The following NASP variants were observed in gnomAD, a reference collection of about 807,000 sequenced individuals.
The protein encoded by NASP is nuclear autoantigenic sperm protein, also known as NASP histone chaperone.
In NASP, 24 loss-of-function variants were observed where a neutral mutation model predicts 89.5. That is an observed-to-expected ratio of 0.27 (90% CI 0.19 to 0.38). NASP has a LOEUF of 0.38. NASP is among the 10% of genes least tolerant of loss of function. The pLI, the probability that NASP is intolerant of heterozygous loss-of-function variation, is 1.00. For synonymous variants in NASP, 306 were observed against 324.7 expected (o/e 0.94, Z 0.62); for missense variants, 848 against 921.4 (o/e 0.92, Z 1.03).
intron 11 of NASP, chr1:45,615,817 A>G: frequency 4.5e-6 from 1 of 224,698 alleles, no homozygotes; most frequent in Non-Finnish European, 8.7e-6. Flanking sequence ...CATACTCAAC[A>G]GTTGGATACC....
intron 3 of NASP, among the ~76,000 whole-genome samples, chr1:45,604,673 C>T: frequency 6.6e-6 from 1 of 152,162 alleles, no homozygotes; most frequent in East Asian, 1.9e-4. Flanking sequence ...CCTATTAATA[C>T]CTTAGGGCTG....
intron 2 of NASP, among the ~76,000 whole-genome samples, chr1:45,598,284 C>T (rs751284840): frequency 8.6e-5 from 13 of 151,776 alleles, no homozygotes; most frequent in Non-Finnish European, 1.6e-4. Context: ...AATTCTCCTG[C>T]CTCAGCCTCC....
chr1:45,586,284 GGTGTGTGTGT>G (rs202167906), intron 1 of NASP, among the ~76,000 whole-genome samples: 1 of 100,474 alleles, frequency 1.0e-5, no homozygotes, highest in African/African-American at 4.5e-5. Flanking sequence ...GTGTGTGTGT[GGTGTGTGTGT>G]GTGTGTGTGT....
chr1:45,587,106 G>A (rs1486929144), intron 1 of NASP, among the ~76,000 whole-genome samples: 1 of 152,158 alleles, frequency 6.6e-6, no homozygotes, highest in Non-Finnish European at 1.5e-5. Flanking sequence ...TGCCATTAAA[G>A]CAGTATTGTT....
At chr1:45,590,631 T>G (rs1009839034) in intron 1 of NASP, among the ~76,000 whole-genome samples, 1 of 151,100 alleles carries the variant, frequency 6.6e-6, no homozygotes, top group Non-Finnish European at 1.5e-5. Context: ...TACTGGTTCC[T>G]TGCTTTTAAT....
At chr1:45,605,468 GT>G (rs1000976933) in intron 4 of NASP, among the ~76,000 whole-genome samples, 39 of 145,562 alleles carry the variant, frequency 2.7e-4, no homozygotes, top group East Asian at 4.0e-4. Flanking sequence ...TTCTGGTAAG[GT>G]TTTTTTTTTT....
rs1229610219 is a variant in NASP, at chr1:45,618,753, C to G, written c.*612C>G. 6.6e-6 allele frequency: 1 copy of G among 152,432 alleles called. No homozygotes were observed. The highest frequency in any genetic ancestry group is 1.5e-5 in the Non-Finnish European group (1 of 68,248). 9.4% of individuals were successfully genotyped at this position (152,432 alleles called of 1,614,324 possible). A position where few individuals can be genotyped will look rare whatever the true frequency, so the allele number is the denominator to read the frequency against. On this transcript the variant is annotated 3_prime_UTR_variant, in exon 15 of 15. Coordinates refer to ENST00000350030, the MANE Select transcript of NASP (RefSeq NM_002482.4). ...GCCAAGGGGACTGATGGTGGACACTCCAGATGTGGTTGGAAGCATATGTGG... is the reference window on the plus strand; with the variant it reads ...GCCAAGGGGACTGATGGTGGACACTGCAGATGTGGTTGGAAGCATATGTGG...
rs200142540 is a variant in NASP at position 45,615,342 on chromosome 1, G to A, written c.1893G>A (p.Ser631=). The A allele has an allele frequency of 1.3e-4, 204 of 1,614,140 alleles. 1 individual carries two copies. The South Asian group carries it at 1.4e-3, about 11-fold the overall frequency. Residue 631 remains serine, a synonymous_variant, in exon 11 of 15, where the codon TCG becomes TCA. Coordinates refer to ENST00000350030, the MANE Select transcript of NASP (RefSeq NM_002482.4). ...AGCAGGTGAAGGAGGCTGAAGGATC[G>A]TCTGCTGAATACAAGAAAGAAATTG... ...LNEQVKEAEG[S]SAEYKKEIEE...
At chr1:45,614,003 G>A (rs1349369392) in intron 7 of NASP, 93 bp from the exon 8 acceptor site, 16 of 986,652 alleles carry the variant, frequency 1.6e-5, no homozygotes, top group Middle Eastern at 6.5e-4. Flanking sequence ...ATTTTGAATC[G>A]TATATCAACT....
rs756252138 is a variant in NASP, at chr1:45,618,186, A to G, written c.*45A>G. ...CCCAAGGGAAAGTGTTTTTGTATAT[A>G]ATGTATTTTTTCACTTTTGGAGGAT... is the stretch of plus-strand genomic sequence containing the variant. On this transcript the variant is annotated 3_prime_UTR_variant, in exon 15 of 15. Transcript: ENST00000350030. The G allele has an allele frequency of 4.8e-6, 7 of 1,462,104 alleles. No individual in the cohort carries two copies. The highest frequency in any genetic ancestry group is 4.2e-5 in the African/African-American group (3 of 71,008). The allele number at this position is 1,462,104 out of a possible 1,614,324, so 90.6% of individuals were successfully genotyped here. A position where few individuals can be genotyped will look rare whatever the true frequency, so the allele number is the denominator to read the frequency against.
chr1:45,604,897 G>C (rs1301355795), intron 3 of NASP, 39 bp from the exon 4 acceptor site: 1 of 1,410,642 alleles, frequency 7.1e-7, no homozygotes, highest in Non-Finnish European at 1.0e-6. Context: ...TTTTAGATTA[G>C]ATGGTAATTC....
intron 2 of NASP, among the ~76,000 whole-genome samples, chr1:45,601,910 G>A (rs1193628824): frequency 6.6e-6 from 1 of 151,512 alleles, no homozygotes; most frequent in Non-Finnish European, 1.5e-5. Context: ...CCGCCACCAC[G>A]CCCGGCTAAT....
intron 2 of NASP, among the ~76,000 whole-genome samples, chr1:45,595,514 A>T (rs1643673815): frequency 6.6e-6 from 1 of 152,122 alleles, no homozygotes. Flanking sequence ...TCATGCTCTT[A>T]TTCAGCAGTT....
At chr1:45,586,425 G>A (rs922517836) in intron 1 of NASP, among the ~76,000 whole-genome samples, 21 of 151,838 alleles carry the variant, frequency 1.4e-4, no homozygotes, top group African/African-American at 1.9e-4. Flanking sequence ...AGCTGGGACT[G>A]CAGGCGCACA....
intron 1 of NASP, among the ~76,000 whole-genome samples, chr1:45,587,517 G>A (rs1356692399): frequency 6.6e-6 from 1 of 151,578 alleles, no homozygotes; most frequent in African/African-American, 2.4e-5. Context: ...TGTATGGTCT[G>A]TGTGTTTTGA....
Position 45,604,977 on chromosome 1 carries a change from C to T in NASP, c.260C>T (p.Ala87Val). 1.9e-5 allele frequency: 31 copies of T among 1,613,122 alleles called. No homozygotes were observed. The highest frequency in any genetic ancestry group is 2.6e-5 in the Non-Finnish European group (31 of 1,179,286). ...YGETANECGE[A>V]FFFYGKSLLE... The stretch of plus-strand genomic sequence containing the variant: ...GAGACAGCTAATGAGTGTGGAGAAG[C>T]CTTCTTTTTCTATGGGAAATCACTT... Residue 87 changes from alanine (A) to valine (V), a missense_variant, in exon 4 of 15, where the codon GCC becomes GTC. This residue lies in a region of NASP where 17 missense variants were observed against 38.6 expected (regional missense o/e 0.44). Coordinates refer to ENST00000350030, the MANE Select transcript of NASP (RefSeq NM_002482.4).
intron 1 of NASP, among the ~76,000 whole-genome samples, chr1:45,589,128 T>G (rs1643447272): frequency 6.6e-6 from 1 of 152,142 alleles, no homozygotes; most frequent in South Asian, 2.1e-4. Context: ...GGTTTCTGGT[T>G]TGTTTGTTTA....
chr1:45,616,225 C>CT, intron 11 of NASP, 112 bp from the exon 12 acceptor site: 1 of 981,314 alleles, frequency 1.0e-6, no homozygotes. Flanking sequence ...ATGGAGGCCA[C>CT]TAGCATTTCA....
rs760969075 is a variant in NASP at position 45,591,276 on chromosome 1, A to G, written c.107+6A>G. The G allele has an allele frequency of 2.0e-6, 3 of 1,501,144 alleles. No homozygotes were observed. Among genetic ancestry groups the G allele is most frequent in the Non-Finnish European group, 2.7e-6 (3 of 1,108,114 alleles). 93.0% of individuals were successfully genotyped at this position (1,501,144 alleles called of 1,614,324 possible). A position where few individuals can be genotyped will look rare whatever the true frequency, so the allele number is the denominator to read the frequency against. On this transcript the variant is annotated splice_donor_region_variant and intron_variant, in intron 2 of 14. Transcript: ENST00000350030. ...TCTGCAGATAAAGTGGAGAGGTAAGATTATTTACATGGTAGTTAGATTCGT... is the reference window on the plus strand; with the variant it reads ...TCTGCAGATAAAGTGGAGAGGTAAGGTTATTTACATGGTAGTTAGATTCGT...
Sources: gnomAD v4.1 joint callset for allele counts (sites outside exome capture counted in the v4.1 genomes callset) on GRCh38, gnomAD v4.1.1 for gene constraint, gnomAD v4.1.1 regional missense constraint, MANE v1.5 for transcripts, NCBI Gene and HGNC (gene_info 2026-07-23, HGNC 2026-07-21) for gene names.